GART: variants seen among roughly 807,000 people sequenced by gnomAD.
GART encodes phosphoribosylglycinamide formyltransferase, phosphoribosylglycinamide synthetase, phosphoribosylaminoimidazole synthetase.
In GART, 43 loss-of-function variants were observed where a neutral mutation model predicts 107.2. That is an observed-to-expected ratio of 0.40 (90% CI 0.31 to 0.52). The LOEUF (loss-of-function observed/expected upper bound fraction) is 0.52. Ranked by LOEUF, GART falls within the 20% of genes least tolerant of loss-of-function variation. The pLI is 0.52. For synonymous variants in GART, 434 were observed against 427.0 expected (o/e 1.02, Z -0.20); for missense variants, 1,107 against 1,206.5 (o/e 0.92, Z 1.22).
chr21:33,510,778 T>G (rs2084772096), intron 17 of GART, among the ~76,000 whole-genome samples: 2 of 152,152 alleles, frequency 1.3e-5, no homozygotes, highest in African/African-American at 4.8e-5. Context: ...TTTTTCTATT[T>G]TTTATTTTTG....
Position 33,534,596 on chromosome 21 carries a change from G to A in GART, c.399C>T (p.Ala133=), listed in dbSNP as rs778104412. ...TTACCTACCTCAAAATGAAGCTGCA[G>A]GCTTCTTCAGGTTTGGTGAAAGCCT... The part of the protein sequence containing the change: ...QWKAFTKPEE[A]CSFILSADFP... Residue 133 remains alanine, a synonymous_variant, in exon 4 of 22, where the codon GCC becomes GCT. Coordinates refer to ENST00000381815, the MANE Select transcript of GART (RefSeq NM_000819.5). 16 of 1,614,012 alleles carry A rather than the reference G, an allele frequency of 9.9e-6. No individual in the cohort carries two copies. The highest frequency in any genetic ancestry group is 1.3e-5 in the Non-Finnish European group (15 of 1,180,024).
At chr21:33,536,760 TAGTA>T (rs758032594) in intron 2 of GART, among the ~76,000 whole-genome samples, 1 of 152,234 alleles carries the variant, frequency 6.6e-6, no homozygotes, top group South Asian at 2.1e-4. Context: ...CCAACAGGGC[TAGTA>T]AGTAACAACA....
intron 16 of GART, among the ~76,000 whole-genome samples, chr21:33,512,881 A>G (rs1332124614): frequency 2.0e-5 from 3 of 151,840 alleles, no homozygotes; most frequent in African/African-American, 7.3e-5. Context: ...CATCATGCTC[A>G]GCTGATAATC....
chr21:33,516,932 C>A, intron 16 of GART, 57 bp downstream of exon 16: 1 of 1,451,652 alleles, frequency 6.9e-7, no homozygotes, highest in Non-Finnish European at 9.4e-7. Flanking sequence ...TTTTCTCGCA[C>A]AATGCATTTT....
chr21:33,504,668 T>A, intron 20 of GART, 141 bp from the exon 21 acceptor site: 1 of 654,952 alleles, frequency 1.5e-6, no homozygotes, highest in Non-Finnish European at 2.6e-6. Flanking sequence ...AACACAGAAA[T>A]GAGGTAAAAG....
rs1240167210 is a variant in GART, at chr21:33,528,502, T to C, written c.897+17A>G. The stretch of plus-strand genomic sequence containing the variant: ...CACATATCTTCTACCAAGTAATACT[T>C]TGATATTTTTACCCACTTGGCACTC... On this transcript the variant is annotated intron_variant, in intron 9 of 21. Transcript: ENST00000381815. The C allele has an allele frequency of 7.0e-6, 11 of 1,580,916 alleles. No homozygotes were observed. Among genetic ancestry groups the C allele is most frequent in the Admixed American group, 1.9e-5 (1 of 53,938 alleles).
chr21:33,531,642 C>T, intron 5 of GART, 85 bp from the exon 6 acceptor site: 1 of 1,254,916 alleles, frequency 8.0e-7, no homozygotes, highest in Non-Finnish European at 1.1e-6. Context: ...TAGCATTATC[C>T]AGCATTTGTA....
rs747247772 is a variant in GART at position 33,504,163 on chromosome 21, A to G, written c.2994T>C (p.Leu998=). 49 of 1,614,046 alleles carry G rather than the reference A, an allele frequency of 3.0e-5. No individual in the cohort carries two copies. The highest frequency in any genetic ancestry group is 3.6e-5 in the Non-Finnish European group (43 of 1,180,038). The change falls in exon 22 of 22, where the codon CTT becomes CTC. Residue 998 remains leucine, a synonymous_variant. Transcript: ENST00000381815. Reference sequence around the variant, plus strand: ...CCCAACAGATCTTGCCATTTTCTCCAAGCTGTACAGTTCCACTGGCCACCA... The same window carrying G: ...CCCAACAGATCTTGCCATTTTCTCCGAGCTGTACAGTTCCACTGGCCACCA... ...LQLVASGTVQ[L]GENGKICWVK...
chr21:33,520,168 G>A (rs2084944240), intron 14 of GART, among the ~76,000 whole-genome samples, 196 bp downstream of exon 14: 1 of 152,176 alleles, frequency 6.6e-6, no homozygotes, highest in African/African-American at 2.4e-5. Flanking sequence ...AAACCCCTGA[G>A]GAGGGCTTTG....
Position 33,528,221 on chromosome 21 carries a change from C to G in GART, c.1012G>C (p.Val338Leu). The change falls in exon 10 of 22, where the codon GTC becomes CTC. Residue 338 changes from valine (V) to leucine (L), a missense_variant. Val to Leu is a conservative substitution (Grantham distance 32, BLOSUM62 1). Transcript: ENST00000381815. The part of the protein sequence containing the change: ...WLENHTALTV[V>L]MASKGYPGDY... ...CCAGGATAACCTTTACTTGCCATGA[C>G]AACAGTTAGGGCGGTGTGGTTTTCT... is the stretch of plus-strand genomic sequence containing the variant. The G allele has an allele frequency of 6.2e-7, 1 of 1,613,922 alleles. No individual in the cohort carries two copies. The highest frequency in any genetic ancestry group is 8.5e-7 in the Non-Finnish European group (1 of 1,179,960).
intron 1 of GART, among the ~76,000 whole-genome samples, chr21:33,540,070 A>G (rs1264220938): frequency 6.6e-6 from 1 of 152,226 alleles, no homozygotes; most frequent in Admixed American, 6.5e-5. Context: ...AAATTAAAGG[A>G]TATACTGAAA....
In GART at chr21:33,504,025, T is replaced by C; in HGVS notation, c.*99A>G. Reference sequence around the variant, plus strand: ...GTAAGGGTGAGGTCTTTTTTGTCTTTTAGCAGTTTTTCTTTTGGGCCAAGT... The same window carrying C: ...GTAAGGGTGAGGTCTTTTTTGTCTTCTAGCAGTTTTTCTTTTGGGCCAAGT... On this transcript the variant is annotated 3_prime_UTR_variant, in exon 22 of 22. Transcript: ENST00000381815. The C allele has an allele frequency of 9.0e-7, 1 of 1,108,060 alleles. No individual in the cohort carries two copies. Among genetic ancestry groups the C allele is most frequent in the South Asian group, 1.8e-5 (1 of 55,644 alleles). The allele number at this position is 1,108,060 out of a possible 1,614,324, so 68.6% of individuals were successfully genotyped here. A position where few individuals can be genotyped will look rare whatever the true frequency, so the allele number is the denominator to read the frequency against.
chr21:33,505,818 GATT>G, intron 19 of GART, 116 bp from the exon 20 acceptor site: 1 of 1,343,548 alleles, frequency 7.4e-7, no homozygotes, highest in South Asian at 1.4e-5. Flanking sequence ...CTGATAGAGA[GATT>G]ATTAAGAAAG....
At chr21:33,525,971 G>A (rs1441764126) in intron 10 of GART, among the ~76,000 whole-genome samples, 2 of 149,486 alleles carry the variant, frequency 1.3e-5, no homozygotes, top group African/African-American at 4.9e-5. Context: ...CCAGGTTCAC[G>A]CCATTCTCCT....
Position 33,534,692 on chromosome 21 carries a change from A to C in GART, c.303T>G (p.Ala101=). 1 of 1,612,826 alleles carries C rather than the reference A, an allele frequency of 6.2e-7. No homozygotes were observed. The highest frequency in any genetic ancestry group is 8.5e-7 in the Non-Finnish European group (1 of 1,179,518). Residue 101 remains alanine, a synonymous_variant, in exon 4 of 22, where the codon GCT becomes GCG. Coordinates refer to ENST00000381815, the MANE Select transcript of GART (RefSeq NM_000819.5). The part of the protein sequence containing the change: ...VQCFGPTAEA[A]QLESSKRFAK... Reference sequence around the variant, plus strand: ...CAAACCTTTTGCTGGACTCTAACTGAGCCGCTTCTGCTGTTGGGCCAAAGC... The same window carrying C: ...CAAACCTTTTGCTGGACTCTAACTGCGCCGCTTCTGCTGTTGGGCCAAAGC...
In GART at chr21:33,504,064, C is replaced by T. The variant is rs760115351; in HGVS notation, c.*60G>A. 2 of 1,467,754 alleles carry T rather than the reference C, an allele frequency of 1.4e-6. No individual in the cohort carries two copies. Among genetic ancestry groups the T allele is most frequent in the Non-Finnish European group, 1.8e-6 (2 of 1,091,300 alleles). The allele number at this position is 1,467,754 out of a possible 1,614,324, so 90.9% of individuals were successfully genotyped here. On this transcript the variant is annotated 3_prime_UTR_variant, in exon 22 of 22. Transcript: ENST00000381815. ...TTTGGGCCAAGTCCATGATAAAAAA[C>T]CACCATGCAAACAGCAAATAATTCT...
chr21:33,525,931 G>C (rs181209818), intron 10 of GART, among the ~76,000 whole-genome samples: 1 of 147,638 alleles, frequency 6.8e-6, no homozygotes, highest in Admixed American at 6.8e-5. Flanking sequence ...GTGCAGTGGT[G>C]CAATCTTGGC....
intron 14 of GART, among the ~76,000 whole-genome samples, chr21:33,519,829 T>G (rs2084938042): frequency 2.0e-5 from 1 of 50,292 alleles, no homozygotes; most frequent in African/African-American, 2.2e-4. Context: ...TTCCCTTTTT[T>G]TTTTTTTTAA....
intron 12 of GART, 109 bp from the exon 13 acceptor site, chr21:33,521,124 G>A: frequency 1.3e-6 from 1 of 763,770 alleles, no homozygotes; most frequent in Non-Finnish European, 2.2e-6. Context: ...CCTGTGAGAT[G>A]TACTTCTGGA....
Sources: allele counts gnomAD v4.1 joint callset (sites outside exome capture counted in the v4.1 genomes callset), GRCh38; gene constraint gnomAD v4.1.1; transcripts MANE v1.5; gene names NCBI Gene and HGNC (gene_info 2026-07-23, HGNC 2026-07-21).